The following DNAH8 variants were observed in gnomAD, a reference collection of about 807,000 sequenced individuals.
DNAH8 encodes axonemal beta dynein heavy chain 8.
A neutral mutation model predicts 562.1 loss-of-function variants in DNAH8; 382 were observed. That is an observed-to-expected ratio of 0.68 (90% CI 0.63 to 0.74). DNAH8 has a LOEUF of 0.74. DNAH8 is among the 30% of genes least tolerant of loss of function. The pLI is 0.00. For synonymous variants in DNAH8, 1,881 were observed against 1,919.4 expected (o/e 0.98, Z 0.52); for missense variants, 5,203 against 5,620.4 (o/e 0.93, Z 2.37).
At chr6:38,821,565 T>G (rs1772842824) in intron 26 of DNAH8, among the ~76,000 whole-genome samples, 1 of 152,144 alleles carries the variant, frequency 6.6e-6, no homozygotes, top group South Asian at 2.1e-4. Flanking sequence ...TTACCACTAC[T>G]TGGTTTTATT....
intron 75 of DNAH8, among the ~76,000 whole-genome samples, chr6:38,930,298 A>G (rs1201972542): frequency 1.3e-5 from 2 of 152,126 alleles, no homozygotes; most frequent in Admixed American, 1.3e-4. Context: ...AATTTGTGTC[A>G]TTCTCTACCT....
rs66765653 is a variant in DNAH8 at position 38,914,392 on chromosome 6, C to CTTT, written c.9963+464_9963+466dup. The stretch of plus-strand genomic sequence containing the variant: ...GGTATATATGTGTGCTGCTTTTTCT[C>CTTT]TTTTTTTTTTTTTTTTTTTTTTTTT... On this transcript the variant is annotated intron_variant, in intron 67 of 92. Transcript: ENST00000327475. Among the ~76,000 whole-genome samples the CTTT allele has an allele frequency of 2.3e-3, 144 of 63,986 alleles. 7 individuals carry two copies. The highest frequency in any genetic ancestry group is 6.0e-3 in the Admixed American group (26 of 4,308). The allele number at this position is 63,986 out of a possible 152,430, so 42.0% of individuals were successfully genotyped here.
At chr6:38,968,289 A>G (rs1310490250) in intron 82 of DNAH8, among the ~76,000 whole-genome samples, 1 of 152,194 alleles carries the variant, frequency 6.6e-6, no homozygotes, top group Non-Finnish European at 1.5e-5. Flanking sequence ...GGAAATATTG[A>G]TAAATTGGAC....
chr6:38,747,933 T>C lies in DNAH8; in HGVS notation c.1294-2543T>C, dbSNP rs1765099125. On this transcript the variant is annotated intron_variant, in intron 8 of 92. Transcript: ENST00000327475. ...TTTACTCAACATTATTTGTGAGAAT[T>C]CATCATGTTAATGTGTGCATTATTA... 1.3e-5 allele frequency among the ~76,000 whole-genome samples: 2 copies of C among 152,258 alleles called. 1 individual carries two copies. Among genetic ancestry groups the C allele is most frequent in the Non-Finnish European group, 2.9e-5 (2 of 68,038 alleles).
chr6:38,729,241 A>AACTC, intron 3 of DNAH8, among the ~76,000 whole-genome samples: 1 of 147,002 alleles, frequency 6.8e-6, no homozygotes, highest in Admixed American at 6.9e-5. Flanking sequence ...CAAACAAACA[A>AACTC]ACTCTCACTA....
chr6:38,856,958 A>G (rs982662501), intron 41 of DNAH8, among the ~76,000 whole-genome samples: 1 of 152,246 alleles, frequency 6.6e-6, no homozygotes, highest in East Asian at 1.9e-4. Flanking sequence ...ATCCTCTCAC[A>G]GTTTCTTTAT....
At chr6:39,015,468 C>T (rs912868212) in intron 91 of DNAH8, among the ~76,000 whole-genome samples, 3 of 152,144 alleles carry the variant, frequency 2.0e-5, no homozygotes, top group South Asian at 4.1e-4. Context: ...AGGTGGTTTT[C>T]CCCATGCTGC....
intron 87 of DNAH8, among the ~76,000 whole-genome samples, chr6:38,989,695 T>A (rs540465052): frequency 6.6e-6 from 1 of 151,708 alleles, no homozygotes; most frequent in South Asian, 2.1e-4. Flanking sequence ...CTTTGCAGTA[T>A]GTTCCTATTC....
intron 73 of DNAH8, 125 bp from the exon 74 acceptor site, chr6:38,925,930 G>A (rs938652409): frequency 9.0e-5 from 81 of 897,228 alleles, no homozygotes; most frequent in Non-Finnish European, 1.2e-4. Context: ...CGAAGTACAA[G>A]TTGCATAGTC....
chr6:38,811,929 G>T (rs1176680359), intron 24 of DNAH8, among the ~76,000 whole-genome samples: 1 of 152,260 alleles, frequency 6.6e-6, no homozygotes, highest in South Asian at 2.1e-4. Flanking sequence ...GGCAGGTTTG[G>T]CTAGGGAGCA....
chr6:38,722,289 A>G (rs3807047), intron 1 of DNAH8, among the ~76,000 whole-genome samples: 56,577 of 152,088 alleles, frequency 0.37, 11,374 homozygotes, highest in East Asian at 0.81. Flanking sequence ...ATGTCTGATT[A>G]ATGAACTGTA....
Position 38,971,587 on chromosome 6 carries a change from T to C in DNAH8, c.12452-5T>C. 6.5e-7 allele frequency: 1 copy of C among 1,543,726 alleles called. No individual in the cohort carries two copies. On this transcript the variant is annotated splice_polypyrimidine_tract_variant and splice_region_variant and intron_variant, in intron 82 of 92. Coordinates refer to ENST00000327475, the MANE Select transcript of DNAH8 (RefSeq NM_001206927.2). ...CATCATAGTGAACTTTCTCCTATGT[T>C]ACAGAATGTAGAACTATCTCAATGG... is the stretch of plus-strand genomic sequence containing the variant.
intron 47 of DNAH8, among the ~76,000 whole-genome samples, chr6:38,867,771 A>C (rs1460988995): frequency 1.4e-5 from 2 of 146,544 alleles, no homozygotes; most frequent in African/African-American, 5.0e-5. Flanking sequence ...AAAAAAAAAA[A>C]ACAAAAAAGA....
chr6:38,874,062 C>CTTTCTTTCTT (rs1561797260), intron 52 of DNAH8, among the ~76,000 whole-genome samples: 1 of 38,322 alleles, frequency 2.6e-5, no homozygotes, highest in Non-Finnish European at 5.1e-5. Context: ...TTCTTTCTTT[C>CTTTCTTTCTT]TTTCTTTTTC....
chr6:38,886,161 A>G (rs1778904516), intron 56 of DNAH8, among the ~76,000 whole-genome samples: 1 of 152,150 alleles, frequency 6.6e-6, no homozygotes, highest in Non-Finnish European at 1.5e-5. Context: ...TGAGAAGAGG[A>G]AAGAGCCCAG....
At chr6:38,887,060 C>A in intron 57 of DNAH8, 56 bp downstream of exon 57, 1 of 1,291,208 alleles carries the variant, frequency 7.7e-7, no homozygotes, top group Non-Finnish European at 1.1e-6. Flanking sequence ...ATAAACCACA[C>A]AAAATTTCAT....
chr6:38,842,397 A>G lies in DNAH8; in HGVS notation c.4496A>G (p.Tyr1499Cys), dbSNP rs1411168388. Residue 1499 changes from tyrosine to cysteine, a missense_variant, in exon 34 of 93, where the codon TAT (tyrosine) becomes TGT (cysteine). Around this residue, in one of 6 missense-constraint regions of DNAH8, gnomAD observed 2,176 missense variants for 2,365.1 expected, o/e 0.92. Coordinates refer to ENST00000327475, the MANE Select transcript of DNAH8 (RefSeq NM_001206927.2). ...RKELNLLQKLYGLYDTVMSSI... is the reference protein window; with the variant it reads ...RKELNLLQKLCGLYDTVMSSI... ...GAACTCAACTTGCTGCAGAAGCTGT[A>G]TGGATTGTATGACACCGTAATGAGC... 3 of 1,609,840 alleles carry G rather than the reference A, an allele frequency of 1.9e-6. No homozygotes were observed. Among genetic ancestry groups the G allele is most frequent in the Non-Finnish European group, 2.5e-6 (3 of 1,178,512 alleles).
At chr6:38,824,341 T>C (rs1046389314) in intron 28 of DNAH8, among the ~76,000 whole-genome samples, 2 of 152,110 alleles carry the variant, frequency 1.3e-5, no homozygotes, top group African/African-American at 4.8e-5. Flanking sequence ...GGTGAGACTG[T>C]TGTAGGCTGA....
intron 19 of DNAH8, 62 bp downstream of exon 19, chr6:38,789,945 T>A: frequency 2.3e-6 from 3 of 1,284,204 alleles, no homozygotes; most frequent in Non-Finnish European, 3.4e-6. Flanking sequence ...TTCGGTTCTA[T>A]AAACTATGGA....
Sources: gnomAD v4.1 joint callset for allele counts (sites outside exome capture counted in the v4.1 genomes callset) on GRCh38, gnomAD v4.1.1 for gene constraint, gnomAD v4.1.1 regional missense constraint, MANE v1.5 for transcripts, NCBI Gene and HGNC (gene_info 2026-07-23, HGNC 2026-07-21) for gene names.